The following ADAM22 variants were observed in gnomAD, a reference collection of about 807,000 sequenced individuals.
The protein encoded by ADAM22 is ADAM metallopeptidase domain 22.
Under a neutral mutation model 144.6 loss-of-function variants are expected in ADAM22, and 65 were observed. The ratio of observed to expected loss-of-function variants is 0.45; its 90% CI spans 0.37 to 0.55. The LOEUF (loss-of-function observed/expected upper bound fraction) is 0.55. Among genes scored for constraint, ADAM22 ranks in the 20% least tolerant of loss-of-function variants. The pLI is 0.00. For missense variants in ADAM22, 974 were observed against 1,184.9 expected (o/e 0.82, Z 2.61); for synonymous variants, 391 against 412.6 (o/e 0.95, Z 0.63).
intron 4 of ADAM22, among the ~76,000 whole-genome samples, chr7:88,106,668 T>C (rs1727621291): frequency 6.6e-6 from 1 of 152,180 alleles, no homozygotes; most frequent in African/African-American, 2.4e-5. Flanking sequence ...GGTGACAGGA[T>C]GGAAAGAGGT....
intron 3 of ADAM22, among the ~76,000 whole-genome samples, chr7:88,007,417 C>T (rs1794189475): frequency 6.6e-6 from 1 of 152,058 alleles, no homozygotes; most frequent in East Asian, 1.9e-4. Flanking sequence ...TCATATGGAA[C>T]CAAAAAAGAG....
intron 2 of ADAM22, among the ~76,000 whole-genome samples, chr7:87,944,362 A>C (rs993078036): frequency 2.0e-5 from 3 of 152,106 alleles, no homozygotes; most frequent in Non-Finnish European, 4.4e-5. Context: ...ATTAAACAGC[A>C]TGATGCTACA....
intron 2 of ADAM22, among the ~76,000 whole-genome samples, chr7:87,960,961 C>T (rs1161292217): frequency 6.6e-6 from 1 of 152,152 alleles, no homozygotes; most frequent in Admixed American, 6.5e-5. Context: ...ATTCTTTCTT[C>T]TGGGCTTATG....
At chr7:88,171,492 G>A (rs1844296923) in intron 25 of ADAM22, 52 bp from the exon 26 acceptor site, 1 of 1,535,672 alleles carries the variant, frequency 6.5e-7, no homozygotes, top group African/African-American at 1.4e-5. Flanking sequence ...TGTCCTTCCA[G>A]AGGTAACTAA....
chr7:88,012,859 G>C (rs1381226278), intron 3 of ADAM22, among the ~76,000 whole-genome samples: 4 of 152,222 alleles, frequency 2.6e-5, no homozygotes. Flanking sequence ...TCTTCTGTTA[G>C]GTAGGATAAA....
At chr7:88,088,956 T>G (rs1449488159) in intron 4 of ADAM22, among the ~76,000 whole-genome samples, 2 of 152,146 alleles carry the variant, frequency 1.3e-5, no homozygotes, top group East Asian at 3.8e-4. Context: ...ATTTCTTTTT[T>G]TTTTAATGAC....
chr7:88,062,716 G>A (rs1338564613), intron 3 of ADAM22, among the ~76,000 whole-genome samples: 1 of 152,172 alleles, frequency 6.6e-6, no homozygotes, highest in South Asian at 2.1e-4. Context: ...TCCTCACTAA[G>A]CTTAATTGTG....
intron 3 of ADAM22, among the ~76,000 whole-genome samples, chr7:88,019,855 A>ATGTGTG (rs1491290569): frequency 1.5e-5 from 2 of 132,368 alleles, no homozygotes; most frequent in African/African-American, 3.1e-5. Context: ...ATCTCAAAAA[A>ATGTGTG]TATGTGTGTG....
chr7:88,115,733 C>A (rs1399615760), intron 6 of ADAM22, among the ~76,000 whole-genome samples: 1 of 152,174 alleles, frequency 6.6e-6, no homozygotes, highest in Non-Finnish European at 1.5e-5. Context: ...ATCCACAGAG[C>A]TGTGATTTTT....
chr7:88,037,487 A>AT (rs1453537576), intron 3 of ADAM22, among the ~76,000 whole-genome samples: 1 of 151,966 alleles, frequency 6.6e-6, no homozygotes, highest in African/African-American at 2.4e-5. Flanking sequence ...ACATATATTG[A>AT]TTTTTTCACC....
chr7:87,950,516 A>C (rs1308239397), intron 2 of ADAM22, among the ~76,000 whole-genome samples: 1 of 148,206 alleles, frequency 6.7e-6, no homozygotes, highest in Non-Finnish European at 1.5e-5. Flanking sequence ...TATGTGCCAC[A>C]TTTTCTTAAT....
chr7:88,082,636 T>G (rs1287300765), intron 4 of ADAM22, among the ~76,000 whole-genome samples: 1 of 152,012 alleles, frequency 6.6e-6, no homozygotes, highest in Admixed American at 6.6e-5. Context: ...CAAACAAATT[T>G]ACAAGAAAAA....
rs773850363 is a variant in ADAM22, at chr7:88,076,417, A to G, written c.390+725A>G. On this transcript the variant is annotated intron_variant, in intron 4 of 31. Transcript: ENST00000413139. ...AAGTAGTTTTTGAAATTTGCCTTTA[A>G]TGTTACCCCTGAGAACCAAGAGGTG... Among the ~76,000 whole-genome samples, 35 of 152,230 alleles carry G rather than the reference A, an allele frequency of 2.3e-4. 1 individual carries two copies. The highest frequency in any genetic ancestry group is 4.4e-4 in the Non-Finnish European group (30 of 68,008).
rs570662961 is a variant in ADAM22 at position 88,051,711 on chromosome 7, A to T, written c.324-23915A>T. Among the ~76,000 whole-genome samples the T allele has an allele frequency of 9.9e-4, 150 of 152,274 alleles. 1 individual carries two copies. In the South Asian group the frequency reaches 0.019, roughly 20 times the overall value. On this transcript the variant is annotated intron_variant, in intron 3 of 31. Transcript: ENST00000413139. ...AACTTAAAGTATAATAATAAATAAA[A>T]AAAAAAAGAATGTGGTTTTTCAGTA...
intron 3 of ADAM22, among the ~76,000 whole-genome samples, chr7:88,012,116 G>A (rs191954220): frequency 6.6e-6 from 1 of 150,404 alleles, no homozygotes; most frequent in South Asian, 2.1e-4. Context: ...TCTTTCCTCA[G>A]TTGTGTCCAG....
intron 3 of ADAM22, among the ~76,000 whole-genome samples, chr7:88,033,696 A>C (rs768731763): frequency 7.9e-5 from 12 of 152,186 alleles, no homozygotes; most frequent in Non-Finnish European, 1.6e-4. Flanking sequence ...CAGGACCTGG[A>C]GTCAGAAACC....
chr7:87,983,917 A>G (rs1854319072), intron 3 of ADAM22, among the ~76,000 whole-genome samples: 2 of 152,176 alleles, frequency 1.3e-5, no homozygotes, highest in South Asian at 4.1e-4. Flanking sequence ...CCAACCCTCC[A>G]CAACAAGGCC....
intron 30 of ADAM22, among the ~76,000 whole-genome samples, chr7:88,188,883 G>A (rs533488724): frequency 2.0e-5 from 3 of 152,188 alleles, no homozygotes; most frequent in South Asian, 2.1e-4. Context: ...TTGTAGAGAC[G>A]GGATCTCACC....
At chr7:88,086,122 G>T (rs1818395642) in intron 4 of ADAM22, among the ~76,000 whole-genome samples, 1 of 152,192 alleles carries the variant, frequency 6.6e-6, no homozygotes, top group African/African-American at 2.4e-5. Flanking sequence ...GTTGCAGTGA[G>T]CTGAGATTGC....
Sources: allele counts gnomAD v4.1 joint callset (sites outside exome capture counted in the v4.1 genomes callset), GRCh38; gene constraint gnomAD v4.1.1; transcripts MANE v1.5; gene names NCBI Gene and HGNC (gene_info 2026-07-23, HGNC 2026-07-21).